Variants in RGS5 observed in about 807,000 individuals in gnomAD.
RGS5 encodes regulator of G protein signaling 5.
A neutral mutation model predicts 18.9 loss-of-function variants in RGS5; 20 were observed. The ratio of observed to expected loss-of-function variants is 1.06; its 90% CI spans 0.74 to 1.54. The LOEUF (loss-of-function observed/expected upper bound fraction) is 1.54, where lower values mean the gene tolerates loss of function less well. RGS5 is among the 40% of genes most tolerant of loss of function. RGS5 has a pLI of 0.00. For synonymous variants in RGS5, 57 were observed against 76.2 expected (o/e 0.75, Z 1.31); for missense variants, 201 against 211.8 (o/e 0.95, Z 0.32).
chr1:163,198,826 TTTG>T (rs997137264), intron 1 of RGS5, among the ~76,000 whole-genome samples: 14 of 151,998 alleles, frequency 9.2e-5, no homozygotes, highest in Non-Finnish European at 1.8e-4. Context: ...TTATTTATTT[TTTG>T]TTGTTGTTTG....
intron 2 of RGS5, among the ~76,000 whole-genome samples, chr1:163,283,700 C>G (rs1196354659): frequency 1.3e-5 from 2 of 152,132 alleles, no homozygotes; most frequent in African/African-American, 4.8e-5. Flanking sequence ...CCTAATTCAT[C>G]TAGAGGCTTG....
At chr1:163,291,626 C>A (rs893320445) in intron 2 of RGS5, among the ~76,000 whole-genome samples, 1 of 152,142 alleles carries the variant, frequency 6.6e-6, no homozygotes, top group Non-Finnish European at 1.5e-5. Context: ...TTTTGCATGT[C>A]TGACAACCGA....
At chr1:163,159,515 G>A (rs1407848513) in intron 3 of RGS5, among the ~76,000 whole-genome samples, 10 of 152,178 alleles carry the variant, frequency 6.6e-5, no homozygotes, top group Admixed American at 6.5e-4. Context: ...GGGAGAGACT[G>A]TCTCACTTAC....
chr1:163,291,942 G>A (rs1358414403), intron 2 of RGS5, among the ~76,000 whole-genome samples: 1 of 152,262 alleles, frequency 6.6e-6, no homozygotes, highest in South Asian at 2.1e-4. Flanking sequence ...GGAAGAACTC[G>A]TTGGGATAAA....
intron 2 of RGS5, among the ~76,000 whole-genome samples, chr1:163,229,739 T>C (rs554896445): frequency 1.3e-5 from 2 of 152,356 alleles, no homozygotes; most frequent in East Asian, 1.9e-4. Flanking sequence ...TATTGGCTTT[T>C]CAGTGAGACT....
chr1:163,173,896 A>C (rs757965271), intron 1 of RGS5, among the ~76,000 whole-genome samples: 1 of 152,116 alleles, frequency 6.6e-6, no homozygotes, highest in Admixed American at 6.5e-5. Flanking sequence ...CAAGATGGTG[A>C]AACCCCATCT....
chr1:163,204,506 T>C (rs1031566174), upstream of RGS5, among the ~76,000 whole-genome samples: 1 of 152,130 alleles, frequency 6.6e-6, no homozygotes, highest in Non-Finnish European at 1.5e-5. Context: ...CTTGCTACCA[T>C]GCCTAGCTAG....
chr1:163,150,909 G>A (rs188755652), intron 4 of RGS5, among the ~76,000 whole-genome samples: 76 of 152,262 alleles, frequency 5.0e-4, no homozygotes, highest in African/African-American at 1.8e-3. Flanking sequence ...ATATTTGGGA[G>A]TTTTTCTCTC....
At chr1:163,316,335 G>A (rs888262788) in intron 1 of RGS5, among the ~76,000 whole-genome samples, 5 of 152,062 alleles carry the variant, frequency 3.3e-5, no homozygotes, top group Admixed American at 6.6e-5. Context: ...TGTATATATC[G>A]CATAATACAG....
chr1:163,295,794 T>C (rs1571346913), intron 2 of RGS5, among the ~76,000 whole-genome samples: 1 of 152,236 alleles, frequency 6.6e-6, no homozygotes, highest in African/African-American at 2.4e-5. Context: ...CAGATTGATA[T>C]TGTGAATCTT....
At chr1:163,187,318 C>T (rs188594870) in intron 1 of RGS5, among the ~76,000 whole-genome samples, 15 of 152,328 alleles carry the variant, frequency 9.8e-5, no homozygotes, top group Non-Finnish European at 2.1e-4. Flanking sequence ...ATGAGAATGG[C>T]TATGGCCCCC....
intron 2 of RGS5, among the ~76,000 whole-genome samples, chr1:163,299,136 G>A (rs773354592): frequency 6.6e-6 from 1 of 152,170 alleles, no homozygotes; most frequent in South Asian, 2.1e-4. Context: ...TGTGAAACAT[G>A]CAATTTAAGT....
At chr1:163,170,943 C>G (rs1487126718) in intron 1 of RGS5, among the ~76,000 whole-genome samples, 1 of 152,126 alleles carries the variant, frequency 6.6e-6, no homozygotes, top group Non-Finnish European at 1.5e-5. Context: ...GAAATTTGGA[C>G]TGATAAAATA....
chr1:163,181,296 C>T (rs1658836403), intron 1 of RGS5, among the ~76,000 whole-genome samples: 1 of 152,124 alleles, frequency 6.6e-6, no homozygotes, highest in African/African-American at 2.4e-5. Context: ...CTCAGTATCT[C>T]CCAAGCACAC....
At chr1:163,244,521 T>A (rs943794653) in intron 2 of RGS5, 10 of 152,232 alleles carry the variant, frequency 6.6e-5, no homozygotes, top group African/African-American at 2.2e-4. Context: ...GTGATTTTTT[T>A]ATTTTTTATC....
At chr1:163,302,669 T>C (rs931129931) in intron 2 of RGS5, among the ~76,000 whole-genome samples, 10 of 152,196 alleles carry the variant, frequency 6.6e-5, no homozygotes, top group African/African-American at 2.4e-4. Context: ...AATTTCCCTT[T>C]ACCCAATCAA....
In RGS5 at chr1:163,233,040, T is replaced by A. The variant is rs1457792338; in HGVS notation, c.-280-64672A>T. Reference sequence around the variant, plus strand: ...AGATCAATTTCATTATTGTCATGACTCTAATTCTTCAACCTTTATGATGTT... The same window carrying A: ...AGATCAATTTCATTATTGTCATGACACTAATTCTTCAACCTTTATGATGTT... On this transcript the variant is annotated intron_variant, in intron 2 of 5. Transcript: ENST00000618415. Among the ~76,000 whole-genome samples, 4 of 152,348 alleles carry A rather than the reference T, an allele frequency of 2.6e-5. No individual in the cohort carries two copies. The East Asian group carries it at 5.8e-4, about 22-fold the overall frequency.
At chr1:163,267,780 G>A (rs1197815934) in intron 2 of RGS5, among the ~76,000 whole-genome samples, 3 of 152,018 alleles carry the variant, frequency 2.0e-5, no homozygotes, top group Non-Finnish European at 2.9e-5. Context: ...GACATTTTCT[G>A]AACTTTTTTT....
chr1:163,238,290 T>G (rs924109127), intron 2 of RGS5, among the ~76,000 whole-genome samples: 3 of 152,170 alleles, frequency 2.0e-5, no homozygotes, highest in African/African-American at 7.2e-5. Flanking sequence ...TCCAAACACC[T>G]TAAAGAATTC....
Sources: gnomAD v4.1 joint callset for allele counts (sites outside exome capture counted in the v4.1 genomes callset) on GRCh38, gnomAD v4.1.1 for gene constraint, MANE v1.5 for transcripts, NCBI Gene and HGNC (gene_info 2026-07-23, HGNC 2026-07-21) for gene names.